Variants in CACNA1F observed in about 807,000 individuals in gnomAD.
CACNA1F encodes calcium voltage-gated channel subunit alpha1 F.
CACNA1F carries 59 observed loss-of-function variants against 143.8 expected under a neutral mutation model. That is an observed-to-expected ratio of 0.41 (90% CI 0.33 to 0.51). The LOEUF (loss-of-function observed/expected upper bound fraction) is 0.51. CACNA1F is among the 20% of genes least tolerant of loss of function. The pLI, the probability that CACNA1F is intolerant of heterozygous loss-of-function variation, is 0.22. For missense variants in CACNA1F, 1,411 were observed against 1,647.5 expected, an observed-to-expected ratio of 0.86 and a Z score of 2.48; for synonymous variants, 643 against 649.1, an observed-to-expected ratio of 0.99 and a Z score of 0.14.
rs184417809 is a variant in CACNA1F, at chrX:49,229,851, C to T, written c.817+369G>A. Among the ~76,000 whole-genome samples, 32 of 105,275 alleles carry T rather than the reference C, an allele frequency of 3.0e-4. 1 individual carries two copies. The East Asian group carries it at 0.01, about 33-fold the overall frequency. The allele number at this position is 105,275 out of a possible 115,157, so 91.4% of individuals were successfully genotyped here. A position where few individuals can be genotyped will look rare whatever the true frequency, so the allele number is the denominator to read the frequency against. ...TTTTTTAGTAGAGGCAGGGTTTCAC[C>T]GTGTTAGCCAGGATGGTCTCGATCT... On this transcript the variant is annotated intron_variant, in intron 6 of 47. Coordinates refer to ENST00000323022, the MANE Select transcript of CACNA1F (RefSeq NM_001256789.3).
intron 29 of CACNA1F, among the ~76,000 whole-genome samples, chrX:49,214,701 G>C (rs1365612905): frequency 2.7e-5 from 3 of 111,527 alleles, no homozygotes; most frequent in Non-Finnish European, 5.6e-5. Flanking sequence ...CATGGGTCCC[G>C]GATGAACAAT....
chrX:49,221,254 T>C (rs1289644689), intron 17 of CACNA1F, among the ~76,000 whole-genome samples, 174 bp from the exon 18 acceptor site: 3 of 111,763 alleles, frequency 2.7e-5, no homozygotes, highest in African/African-American at 9.8e-5. Flanking sequence ...CTGTCTGGGA[T>C]ATCCCAACTC....
chrX:49,212,632 C>A, intron 33 of CACNA1F, 35 bp downstream of exon 33: 1 of 1,195,313 alleles, frequency 8.4e-7, no homozygotes, highest in Non-Finnish European at 1.1e-6. Context: ...GAAATGGGGG[C>A]GAGGTATGGT....
At position 49,222,923 on chromosome X, in the gene CACNA1F, TC is replaced by T; in HGVS notation, c.2085+5del. The T allele has an allele frequency of 9.0e-7, 1 of 1,109,716 alleles. No individual in the cohort carries two copies. The highest frequency in any genetic ancestry group is 1.8e-5 in the South Asian group (1 of 54,687). The allele number at this position is 1,109,716 out of a possible 1,213,427, so 91.5% of individuals were successfully genotyped here. A position where few individuals can be genotyped will look rare whatever the true frequency, so the allele number is the denominator to read the frequency against. Reference sequence around the variant, plus strand: ...ACCCACCCATCCCATGGTCTCCAGATCCTACCTGAAAGACAGTGAGGAGGGC... The same window carrying T: ...ACCCACCCATCCCATGGTCTCCAGATCTACCTGAAAGACAGTGAGGAGGGC... On this transcript the variant is annotated splice_donor_5th_base_variant and intron_variant, in intron 15 of 47. Coordinates refer to ENST00000323022, the MANE Select transcript of CACNA1F (RefSeq NM_001256789.3).
chrX:49,220,567 C>A, intron 18 of CACNA1F, 43 bp from the exon 19 acceptor site: 1 of 1,042,564 alleles, frequency 9.6e-7, no homozygotes, highest in Non-Finnish European at 1.3e-6. Flanking sequence ...GAGGGAGACA[C>A]AGGGAATGGA....
At chrX:49,232,341 G>A (rs1166263642) in intron 1 of CACNA1F, among the ~76,000 whole-genome samples, 3 of 111,218 alleles carry the variant, frequency 2.7e-5, no homozygotes, top group Admixed American at 9.6e-5. Flanking sequence ...GGTTAGGGTC[G>A]AAGTTGAGTT....
At position 49,205,745 on chromosome X, in the gene CACNA1F, G is replaced by A. The variant is rs782486989; in HGVS notation, c.5541C>T (p.Gly1847=). 75 of 1,202,381 alleles carry A rather than the reference G, an allele frequency of 6.2e-5. No individual in the cohort carries two copies. In the South Asian group the frequency reaches 1.1e-3, roughly 17 times the overall value. The change falls in exon 47 of 48, where the codon GGC becomes GGT. Residue 1847 remains glycine (G), a synonymous_variant. Coordinates refer to ENST00000323022, the MANE Select transcript of CACNA1F (RefSeq NM_001256789.3). ...LYAPLLLVEE[G]AAGEGYLGRS... ...TGCCGAGGTACCCCTCCCCCGCTGC[G>A]CCCTCTTCCACCAACAACAGCGGGG...
intron 31 of CACNA1F, among the ~76,000 whole-genome samples, chrX:49,213,270 G>A (rs2065676622): frequency 9.0e-6 from 1 of 111,624 alleles, no homozygotes; most frequent in Admixed American, 9.5e-5. Flanking sequence ...AGAGATGATG[G>A]AGATGAGAGA....
intron 31 of CACNA1F, among the ~76,000 whole-genome samples, chrX:49,213,432 T>C (rs1423142541): frequency 9.0e-6 from 1 of 111,631 alleles, no homozygotes; most frequent in Non-Finnish European, 1.9e-5. Context: ...AGAGCCAGTG[T>C]CAGAGATGAT....
rs2065806676 is a variant in CACNA1F at position 49,224,749 on chromosome X, C to T, written c.1877+12G>A. The T allele has an allele frequency of 1.8e-6, 2 of 1,111,250 alleles. No homozygotes were observed. The highest frequency in any genetic ancestry group is 3.3e-5 in the East Asian group (1 of 30,699). The allele number at this position is 1,111,250 out of a possible 1,213,427, so 91.6% of individuals were successfully genotyped here. A position where few individuals can be genotyped will look rare whatever the true frequency, so the allele number is the denominator to read the frequency against. On this transcript the variant is annotated intron_variant, in intron 14 of 47. Transcript: ENST00000323022. ...TTTGAGGCCCTTGTCTTCCCCCTCC[C>T]CTAATACAAACCTGGTGACCTTAAA... is the stretch of plus-strand genomic sequence containing the variant.
Position 49,212,136 on chromosome X carries a change from C to T in CACNA1F, c.4008+107G>A, listed in dbSNP as rs187397847. 30 of 800,913 alleles carry T rather than the reference C, an allele frequency of 3.7e-5. 1 individual carries two copies. The Middle Eastern group carries it at 2.9e-3, about 79-fold the overall frequency. 66.0% of individuals were successfully genotyped at this position (800,913 alleles called of 1,213,427 possible). A position where few individuals can be genotyped will look rare whatever the true frequency, so the allele number is the denominator to read the frequency against. ...ACAGATGTGTAGATTGACCCAGGGCCGTCCAGCTTGTCTGTCTACCTGCCA... is the reference window on the plus strand; with the variant it reads ...ACAGATGTGTAGATTGACCCAGGGCTGTCCAGCTTGTCTGTCTACCTGCCA... On this transcript the variant is annotated intron_variant, in intron 34 of 47. Coordinates refer to ENST00000323022, the MANE Select transcript of CACNA1F (RefSeq NM_001256789.3).
chrX:49,229,040 T>C (rs782508876), intron 6 of CACNA1F, among the ~76,000 whole-genome samples: 1 of 112,548 alleles, frequency 8.9e-6, no homozygotes, highest in East Asian at 2.8e-4. Flanking sequence ...TCTTGTGAAT[T>C]TGGACGCGTC....
chrX:49,207,249 A>G (rs2065607641), intron 43 of CACNA1F, 137 bp from the exon 44 acceptor site: 1 of 476,816 alleles, frequency 2.1e-6, no homozygotes, highest in South Asian at 2.8e-5. Context: ...CAAGTCACAT[A>G]AAATTAACCA....
intron 42 of CACNA1F, 199 bp from the exon 43 acceptor site, chrX:49,208,883 T>C (rs975235056): frequency 2.0e-5 from 9 of 460,433 alleles, no homozygotes; most frequent in African/African-American, 1.9e-4. Flanking sequence ...GGGAGTGCAG[T>C]GGCATGATCA....
At position 49,220,403 on chromosome X, in the gene CACNA1F, G is replaced by A; in HGVS notation, c.2386+70C>T. 5.1e-6 allele frequency: 4 copies of A among 783,583 alleles called. No individual in the cohort carries two copies. The Admixed American group carries it at 7.7e-5, about 15-fold the overall frequency. The allele number at this position is 783,583 out of a possible 1,213,427, so 64.6% of individuals were successfully genotyped here. A position where few individuals can be genotyped will look rare whatever the true frequency, so the allele number is the denominator to read the frequency against. ...ATCTCTGGAGAGGAGGGTCTCAGGGGTCAGGAGCTGTCTGCCTGAGCTCTT... is the reference window on the plus strand; with the variant it reads ...ATCTCTGGAGAGGAGGGTCTCAGGGATCAGGAGCTGTCTGCCTGAGCTCTT... On this transcript the variant is annotated intron_variant, in intron 19 of 47. Coordinates refer to ENST00000323022, the MANE Select transcript of CACNA1F (RefSeq NM_001256789.3).
At chrX:49,210,837 G>T in intron 37 of CACNA1F, 128 bp downstream of exon 37, 1 of 873,168 alleles carries the variant, frequency 1.1e-6, no homozygotes, top group Non-Finnish European at 1.7e-6. Context: ...AGAGGATGGG[G>T]CAGTGGAAAC....
Position 49,209,687 on chromosome X carries a change from C to CTAGAT in CACNA1F, c.4762_4763insATCTA (p.Arg1588AsnfsTer9), listed in dbSNP as rs1345874923. 8.3e-7 allele frequency: 1 copy of CTAGAT among 1,211,117 alleles called. No individual in the cohort carries two copies. The highest frequency in any genetic ancestry group is 1.1e-6 in the Non-Finnish European group (1 of 895,068). On this transcript the variant is annotated frameshift_variant, in exon 41 of 48. Coordinates refer to ENST00000323022, the MANE Select transcript of CACNA1F (RefSeq NM_001256789.3). LOFTEE classifies it high-confidence loss of function. ...GTTGCCTAGTAGCCCTTTTTCTTTCCTCCGCCGGAATTTGCGGAAATAGTC... is the reference window on the plus strand; with the variant it reads ...GTTGCCTAGTAGCCCTTTTTCTTTCCTAGATTCCGCCGGAATTTGCGGAAATAGTC...
intron 36 of CACNA1F, 24 bp from the exon 37 acceptor site, chrX:49,211,116 C>T: frequency 2.5e-6 from 3 of 1,206,324 alleles, no homozygotes; most frequent in Non-Finnish European, 3.4e-6. Context: ...AGCAAGGGAG[C>T]AGTTAGGTGA....
rs782478480 is a variant in CACNA1F, at chrX:49,231,681, C to A, written c.272G>T (p.Trp91Leu). The A allele has an allele frequency of 2.5e-6, 3 of 1,211,890 alleles. No individual in the cohort carries two copies. In the Admixed American group the frequency reaches 6.5e-5, roughly 26 times the overall value. The change falls in exon 2 of 48, where the codon TGG becomes TTG. Residue 91 changes from tryptophan to leucine, a missense_variant. This residue lies in a region of CACNA1F where 950 missense variants were observed against 1,128.1 expected (regional missense o/e 0.84). Coordinates refer to ENST00000323022, the MANE Select transcript of CACNA1F (RefSeq NM_001256789.3). Reference sequence around the variant, plus strand: ...CTGCCCCTGCCTTCCAGGATGCTTCCACTCCACGATGCTGATGCAGGACCG... The same window carrying A: ...CTGCCCCTGCCTTCCAGGATGCTTCAACTCCACGATGCTGATGCAGGACCG... Reference protein sequence around the residue: ...LRRSCISIVEWKPFDILILLT... With the variant: ...LRRSCISIVELKPFDILILLT...
Sources: gnomAD v4.1 joint callset for allele counts (sites outside exome capture counted in the v4.1 genomes callset) on GRCh38, gnomAD v4.1.1 for gene constraint, gnomAD v4.1.1 regional missense constraint, MANE v1.5 for transcripts, NCBI Gene and HGNC (gene_info 2026-07-23, HGNC 2026-07-21) for gene names.